The following KANK1 variants were observed in gnomAD, a reference collection of about 807,000 sequenced individuals.
The protein encoded by KANK1 is KN motif and ankyrin repeat domain-containing protein 1.
In KANK1, 109 loss-of-function variants were observed where a neutral mutation model predicts 106.2. That is an observed-to-expected ratio of 1.03 (90% CI 0.88 to 1.20). The LOEUF (loss-of-function observed/expected upper bound fraction) is 1.20, where lower values mean the gene tolerates loss of function less well. Among genes scored for constraint, KANK1 ranks in the 50% most tolerant of loss-of-function variants. The pLI is 0.00. For synonymous variants in KANK1, 873 were observed against 652.2 expected (o/e 1.34, Z -5.16); for missense variants, 2,399 against 1,710.7 (o/e 1.40, Z -7.10).
At chr9:731,983 C>T (rs1216738100) in intron 5 of KANK1, 1 of 160,904 alleles carries the variant, frequency 6.2e-6, no homozygotes, top group East Asian at 1.7e-4. Flanking sequence ...GAAAAACTAT[C>T]GATTGCCTAT....
At position 727,679 on chromosome 9, in the gene KANK1, CAT is replaced by C. The variant is rs1491298613; in HGVS notation, c.2699-2371_2699-2370del. On this transcript the variant is annotated intron_variant, in intron 3 of 11. Coordinates refer to ENST00000382297, the MANE Select transcript of KANK1 (RefSeq NM_015158.5). ...TTTAGCACAGAGTCAGATAACTTTT[CAT>C]GTGTGTGTGTGTGTGTGTGTGTGTG... 5.7e-3 allele frequency among the ~76,000 whole-genome samples: 700 copies of C among 121,902 alleles called. 3 individuals carry two copies. The highest frequency in any genetic ancestry group is 0.015 in the South Asian group (58 of 3,888). The allele number at this position is 121,902 out of a possible 152,430, so 80.0% of individuals were successfully genotyped here. A position where few individuals can be genotyped will look rare whatever the true frequency, so the allele number is the denominator to read the frequency against.
intron 1 of KANK1, among the ~76,000 whole-genome samples, chr9:643,869 A>G (rs916314875): frequency 3.4e-5 from 5 of 148,862 alleles, no homozygotes; most frequent in African/African-American, 1.3e-4. Flanking sequence ...TGCCCGGCTA[A>G]TTTTTGTATT....
chr9:662,162 C>T (rs946146308), intron 1 of KANK1, among the ~76,000 whole-genome samples: 5 of 151,944 alleles, frequency 3.3e-5, no homozygotes, highest in Non-Finnish European at 7.4e-5. Context: ...AACCACTGCT[C>T]AACAAAATAA....
chr9:620,621 G>T (rs1301646349), intron 1 of KANK1, among the ~76,000 whole-genome samples: 1 of 152,008 alleles, frequency 6.6e-6, no homozygotes, highest in Non-Finnish European at 1.5e-5. Flanking sequence ...TGGCCAGGCT[G>T]GTCTCAAATG....
In KANK1 at chr9:594,059, C is replaced by G. The variant is rs959206140; in HGVS notation, c.-83-82831C>G. On this transcript the variant is annotated intron_variant, in intron 1 of 11. Transcript: ENST00000382297. ...GGGGTCTGATCTATGGTGCTGCGCT[C>G]GAGAGAACTGTAAGGTCTGCTGTAA... Among the ~76,000 whole-genome samples the G allele has an allele frequency of 3.7e-4, 56 of 151,732 alleles. 1 individual carries two copies. The highest frequency in any genetic ancestry group is 3.2e-3 in the Middle Eastern group (1 of 316).
chr9:744,484 T>A lies in KANK1; in HGVS notation c.3898-7T>A, dbSNP rs756982731. On this transcript the variant is annotated splice_region_variant and splice_polypyrimidine_tract_variant and intron_variant, in intron 10 of 11. Coordinates refer to ENST00000382297, the MANE Select transcript of KANK1 (RefSeq NM_015158.5). ...AACATGGCTTGTTCTTTCCATCTTA[T>A]CTTAAGGATGGCAGCACTGCGCTCT... is the stretch of plus-strand genomic sequence containing the variant. The A allele has an allele frequency of 9.9e-6, 16 of 1,610,928 alleles. No homozygotes were observed. Among genetic ancestry groups the A allele is most frequent in the Non-Finnish European group, 1.4e-5 (16 of 1,177,668 alleles).
chr9:716,080 TA>T (rs1827618731), intron 3 of KANK1, among the ~76,000 whole-genome samples: 1 of 152,154 alleles, frequency 6.6e-6, no homozygotes, highest in African/African-American at 2.4e-5. Flanking sequence ...TTTCCCCAAA[TA>T]AAACAGTAGG....
At chr9:575,322 T>C (rs73373081) in intron 1 of KANK1, among the ~76,000 whole-genome samples, 8,771 of 152,216 alleles carry the variant, frequency 0.058, 857 homozygotes, top group African/African-American at 0.2. Context: ...GTCACGCAGT[T>C]GGTGACAAAA....
intron 1 of KANK1, among the ~76,000 whole-genome samples, chr9:614,575 C>G (rs1330940178): frequency 6.6e-6 from 1 of 152,082 alleles, no homozygotes; most frequent in South Asian, 2.1e-4. Context: ...TTGTGTGGGA[C>G]TGTCTCGTGT....
intron 1 of KANK1, among the ~76,000 whole-genome samples, chr9:667,871 A>G (rs919015863): frequency 3.3e-5 from 5 of 151,720 alleles, no homozygotes; most frequent in African/African-American, 1.2e-4. Flanking sequence ...AGCTGGGATT[A>G]CAGGTGTACA....
rs570113170 is a variant in KANK1 at position 619,172 on chromosome 9, A to G, written c.-83-57718A>G. Among the ~76,000 whole-genome samples the G allele has an allele frequency of 1.1e-3, 169 of 152,226 alleles. 1 individual carries two copies. The highest frequency in any genetic ancestry group is 2.1e-3 in the Non-Finnish European group (142 of 68,032). On this transcript the variant is annotated intron_variant, in intron 1 of 11. Transcript: ENST00000382297. ...ATCCTCAGTTCTTGCTTTACAGCCAATACTTAAAAGGAACAGGGGAGAGCT... is the reference window on the plus strand; with the variant it reads ...ATCCTCAGTTCTTGCTTTACAGCCAGTACTTAAAAGGAACAGGGGAGAGCT...
intron 1 of KANK1, among the ~76,000 whole-genome samples, chr9:519,747 G>C (rs2059461648): frequency 6.6e-6 from 1 of 151,716 alleles, no homozygotes; most frequent in Admixed American, 6.6e-5. Flanking sequence ...CTTTGGAATG[G>C]TGAGCTGTTG....
At chr9:722,626 T>C (rs1232544604) in intron 3 of KANK1, among the ~76,000 whole-genome samples, 1 of 152,172 alleles carries the variant, frequency 6.6e-6, no homozygotes, top group Non-Finnish European at 1.5e-5. Context: ...TATAGGCCAC[T>C]CAAGACCAGC....
At chr9:619,726 C>G (rs1423883827) in intron 1 of KANK1, among the ~76,000 whole-genome samples, 1 of 152,098 alleles carries the variant, frequency 6.6e-6, no homozygotes, top group Non-Finnish European at 1.5e-5. Flanking sequence ...GCAATACATT[C>G]CTATATTAAG....
chr9:703,518 AT>A (rs926143349), intron 2 of KANK1, among the ~76,000 whole-genome samples: 1 of 152,130 alleles, frequency 6.6e-6, no homozygotes, highest in African/African-American at 2.4e-5. Flanking sequence ...ATTTCCAGAC[AT>A]TCAAAAAATT....
intron 1 of KANK1, among the ~76,000 whole-genome samples, chr9:626,432 A>G (rs1393035308): frequency 3.3e-5 from 5 of 152,090 alleles, no homozygotes; most frequent in African/African-American, 1.2e-4. Context: ...CCATCTCAAA[A>G]AGGAAACAAA....
intron 1 of KANK1, among the ~76,000 whole-genome samples, chr9:528,778 A>G (rs1158809855): frequency 6.6e-6 from 1 of 151,722 alleles, no homozygotes; most frequent in Non-Finnish European, 1.5e-5. Flanking sequence ...ATGAGCCACC[A>G]TGCCATTTTC....
chr9:594,020 C>T (rs904876301), intron 1 of KANK1, among the ~76,000 whole-genome samples: 1 of 151,868 alleles, frequency 6.6e-6, no homozygotes, highest in Non-Finnish European at 1.5e-5. Context: ...AGAAAGCATG[C>T]AGCTGACTGC....
chr9:714,501 A>G (rs1174955899), intron 3 of KANK1, among the ~76,000 whole-genome samples: 3 of 151,720 alleles, frequency 2.0e-5, no homozygotes, highest in African/African-American at 7.3e-5. Flanking sequence ...CTGGGACTAC[A>G]GGTGCCCACC....
Sources: gnomAD v4.1 joint callset for allele counts (sites outside exome capture counted in the v4.1 genomes callset) on GRCh38, gnomAD v4.1.1 for gene constraint, MANE v1.5 for transcripts, NCBI Gene and HGNC (gene_info 2026-07-23, HGNC 2026-07-21) for gene names.